Variants in ACBD6 observed in about 807,000 individuals in gnomAD.
ACBD6 encodes the protein acyl-CoA-binding domain-containing protein 6.
A neutral mutation model predicts 37.2 loss-of-function variants in ACBD6; 28 were observed. The ratio of observed to expected loss-of-function variants is 0.75; its 90% CI spans 0.56 to 1.03. The LOEUF (loss-of-function observed/expected upper bound fraction) is 1.03. ACBD6 is among the 50% of genes least tolerant of loss of function. The probability of loss-of-function intolerance (pLI) is 0.00; values close to 1 mark genes in which losing one functional copy is unlikely to be tolerated. For missense variants in ACBD6, 340 were observed against 337.4 expected (o/e 1.01, Z -0.06); for synonymous variants, 113 against 126.8 (o/e 0.89, Z 0.73).
chr1:180,271,168 G>A, exon 14 of ACBD6: 3 of 633,324 alleles, frequency 4.7e-6, no homozygotes. Context: ...AAGGACTGCT[G>A]TCCTCACTTT....
intron 3 of ACBD6, among the ~76,000 whole-genome samples, chr1:180,480,278 G>GC (rs1650976405): frequency 4.6e-5 from 5 of 109,040 alleles, no homozygotes; most frequent in Admixed American, 2.7e-4. Flanking sequence ...AGGAGGCATT[G>GC]CAACAGCCTA....
chr1:180,387,456 G>A (rs969086512), intron 6 of ACBD6, among the ~76,000 whole-genome samples: 1 of 152,200 alleles, frequency 6.6e-6, no homozygotes, highest in African/African-American at 2.4e-5. Flanking sequence ...GACAGAAGGG[G>A]AGTATCATCT....
rs78111936 is a variant in ACBD6, at chr1:180,363,498, T to C, written c.663+34018A>G. 2.1e-3 allele frequency among the ~76,000 whole-genome samples: 324 copies of C among 152,318 alleles called. 1 individual carries two copies. The highest frequency in any genetic ancestry group is 2.7e-3 in the Non-Finnish European group (184 of 68,030). On this transcript the variant is annotated intron_variant, in intron 6 of 7. Coordinates refer to ENST00000367595, the MANE Select transcript of ACBD6 (RefSeq NM_032360.4). ...TACTTTTGAGTTCCTTATTTTGTTT[T>C]ACGAAATGTTAAAAGTTGATGAAAA...
At chr1:180,304,885 G>A (rs1366534891) in intron 7 of ACBD6, among the ~76,000 whole-genome samples, 2 of 151,972 alleles carry the variant, frequency 1.3e-5, no homozygotes, top group Non-Finnish European at 2.9e-5. Flanking sequence ...AAACAGCATG[G>A]TACTGGTACC....
At chr1:180,279,768 G>T (rs908164819) in intron 9 of ACBD6, among the ~76,000 whole-genome samples, 7 of 151,976 alleles carry the variant, frequency 4.6e-5, no homozygotes, top group Non-Finnish European at 8.8e-5. Context: ...TTCTCTGCAG[G>T]AGTCTTTATT....
At chr1:180,433,537 G>T (rs900683925) in intron 3 of ACBD6, among the ~76,000 whole-genome samples, 1 of 151,918 alleles carries the variant, frequency 6.6e-6, no homozygotes, top group African/African-American at 2.4e-5. Context: ...AAGCCACAGC[G>T]ATCAGACAAG....
At chr1:180,353,376 T>C (rs184621876) in intron 6 of ACBD6, among the ~76,000 whole-genome samples, 80 of 152,292 alleles carry the variant, frequency 5.3e-4, no homozygotes, top group African/African-American at 1.8e-3. Context: ...TTTTACTCTG[T>C]GATAGCCCAT....
intron 7 of ACBD6, among the ~76,000 whole-genome samples, chr1:180,303,336 C>T (rs886376825): frequency 6.6e-6 from 1 of 150,498 alleles, no homozygotes. Flanking sequence ...TTGAAAAGAT[C>T]AACAAAATTG....
chr1:180,381,318 A>G (rs1436489273), intron 6 of ACBD6, among the ~76,000 whole-genome samples: 1 of 152,236 alleles, frequency 6.6e-6, no homozygotes. Flanking sequence ...TCTAGACAGA[A>G]AGTCAACAAA....
chr1:180,450,127 T>TA (rs922836253), intron 3 of ACBD6, among the ~76,000 whole-genome samples: 3 of 152,002 alleles, frequency 2.0e-5, no homozygotes, highest in Admixed American at 2.0e-4. Flanking sequence ...ACAGAATGTA[T>TA]AAAAAAAGAC....
chr1:180,455,042 A>C (rs541766563), intron 3 of ACBD6, among the ~76,000 whole-genome samples: 41 of 152,350 alleles, frequency 2.7e-4, no homozygotes, highest in African/African-American at 9.4e-4. Flanking sequence ...AGGAGTATAA[A>C]TCATGCTGCT....
At chr1:180,407,006 T>C (rs1647653514) in intron 5 of ACBD6, among the ~76,000 whole-genome samples, 1 of 152,374 alleles carries the variant, frequency 6.6e-6, no homozygotes, top group Non-Finnish European at 1.5e-5. Flanking sequence ...AATTGTTTTA[T>C]TTGCTAGAGC....
In ACBD6 at chr1:180,473,627, A is replaced by T. The variant is rs973022726; in HGVS notation, c.384+18642T>A. On this transcript the variant is annotated intron_variant, in intron 3 of 7. Coordinates refer to ENST00000367595, the MANE Select transcript of ACBD6 (RefSeq NM_032360.4). ...AAGAGATAAATTGTCCACACATTTT[A>T]AAAAATTGAGGCAATATAGATAGGA... 2.6e-5 allele frequency among the ~76,000 whole-genome samples: 4 copies of T among 152,182 alleles called. No homozygotes were observed. The East Asian group carries it at 7.7e-4, about 29-fold the overall frequency.
chr1:180,308,575 T>C lies in ACBD6; in HGVS notation c.694+6117A>G, dbSNP rs1650475086. Among the ~76,000 whole-genome samples the C allele has an allele frequency of 2.6e-5, 4 of 152,348 alleles. No individual in the cohort carries two copies. The East Asian group carries it at 7.7e-4, about 29-fold the overall frequency. ...GCTAGTCTGAAGCAGAGAAGCTTCTTTGTCTTCTTTTTACCAATAGGCCAA... is the reference window on the plus strand; with the variant it reads ...GCTAGTCTGAAGCAGAGAAGCTTCTCTGTCTTCTTTTTACCAATAGGCCAA... On this transcript the variant is annotated intron_variant, in intron 7 of 7. Transcript: ENST00000367595.
chr1:180,328,844 CTA>C (rs1002924250), intron 6 of ACBD6, among the ~76,000 whole-genome samples: 3 of 150,916 alleles, frequency 2.0e-5, no homozygotes, highest in Non-Finnish European at 3.0e-5. Flanking sequence ...GATTATTTTT[CTA>C]TATATATATA....
intron 1 of ACBD6, among the ~76,000 whole-genome samples, chr1:180,500,510 T>C (rs752119660): frequency 6.6e-6 from 1 of 151,352 alleles, no homozygotes; most frequent in Admixed American, 6.6e-5. Flanking sequence ...CTGGCGAACA[T>C]GATGAAACCC....
At chr1:180,481,379 A>G (rs1169493323) in intron 3 of ACBD6, among the ~76,000 whole-genome samples, 2 of 152,198 alleles carry the variant, frequency 1.3e-5, no homozygotes, top group East Asian at 1.9e-4. Flanking sequence ...GGAGAGACAC[A>G]GTTTTGAAAA....
intron 3 of ACBD6, among the ~76,000 whole-genome samples, chr1:180,464,874 T>C (rs931178105): frequency 1.3e-5 from 2 of 151,864 alleles, no homozygotes; most frequent in African/African-American, 4.8e-5. Context: ...AGCCCAGAAA[T>C]AAGGCCTCAT....
rs186074734 is a variant in ACBD6 at position 180,319,132 on chromosome 1, C to T, written c.664-4410G>A. On this transcript the variant is annotated intron_variant, in intron 6 of 7. Coordinates refer to ENST00000367595, the MANE Select transcript of ACBD6 (RefSeq NM_032360.4). Reference sequence around the variant, plus strand: ...GAAACCTCCCCTGACTCCTCAAGTACGGTTAGGTGCTCCTCTTTTCTACTA... The same window carrying T: ...GAAACCTCCCCTGACTCCTCAAGTATGGTTAGGTGCTCCTCTTTTCTACTA... 3.3e-5 allele frequency among the ~76,000 whole-genome samples: 5 copies of T among 152,258 alleles called. No individual in the cohort carries two copies. The East Asian group carries it at 7.7e-4, about 24-fold the overall frequency.
Sources: gnomAD v4.1 joint callset for allele counts (sites outside exome capture counted in the v4.1 genomes callset) on GRCh38, gnomAD v4.1.1 for gene constraint, MANE v1.5 for transcripts, NCBI Gene and HGNC (gene_info 2026-07-23, HGNC 2026-07-21) for gene names.